Variants in FOXP1 observed in about 807,000 individuals in gnomAD.
The protein encoded by FOXP1 is forkhead box protein P1.
FOXP1 carries 15 observed loss-of-function variants against 98.2 expected under a neutral mutation model. That is an observed-to-expected ratio of 0.15 (90% confidence interval 0.10 to 0.24). FOXP1 has a LOEUF of 0.24. FOXP1 is among the 10% of genes least tolerant of loss of function. FOXP1 has a pLI of 1.00. For missense variants in FOXP1, 633 were observed against 848.5 expected (o/e 0.75, Z 3.15); for synonymous variants, 371 against 314.5 (o/e 1.18, Z -1.90).
intron 7 of FOXP1, among the ~76,000 whole-genome samples, chr3:71,102,103 C>A (rs2057017284): frequency 6.6e-6 from 1 of 152,110 alleles, no homozygotes; most frequent in Non-Finnish European, 1.5e-5. Context: ...ATCCCAACAG[C>A]AAGGTGGCTG....
chr3:71,495,524 C>T (rs1436961283), intron 2 of FOXP1, among the ~76,000 whole-genome samples: 2 of 152,146 alleles, frequency 1.3e-5, no homozygotes, highest in South Asian at 2.1e-4. Flanking sequence ...AGTAACTTTT[C>T]GGTACTCTCT....
chr3:71,229,574 T>C (rs1004247237), intron 5 of FOXP1, among the ~76,000 whole-genome samples: 12 of 152,172 alleles, frequency 7.9e-5, no homozygotes, highest in Non-Finnish European at 2.9e-5. Flanking sequence ...ATACTTAATG[T>C]TGAATACTGT....
At chr3:71,484,584 A>G (rs1243998479) in intron 3 of FOXP1, among the ~76,000 whole-genome samples, 1 of 152,218 alleles carries the variant, frequency 6.6e-6, no homozygotes, top group Non-Finnish European at 1.5e-5. Context: ...CACAGCCAAT[A>G]GTGTGGATGA....
intron 3 of FOXP1, among the ~76,000 whole-genome samples, chr3:71,470,288 A>G (rs1167898650): frequency 2.0e-5 from 3 of 152,194 alleles, no homozygotes; most frequent in Non-Finnish European, 2.9e-5. Context: ...TCTACCACAT[A>G]GAGTTGTTAT....
At chr3:71,468,504 G>C (rs909290054) in intron 3 of FOXP1, among the ~76,000 whole-genome samples, 4 of 152,076 alleles carry the variant, frequency 2.6e-5, no homozygotes, top group African/African-American at 7.2e-5. Context: ...GAGAACAGCG[G>C]GGTGAACAGC....
intron 6 of FOXP1, 93 bp downstream of exon 6, chr3:71,198,109 A>G: frequency 1.9e-6 from 3 of 1,613,740 alleles, no homozygotes; most frequent in South Asian, 1.1e-5. Flanking sequence ...GGTGAACACA[A>G]AACACTGATC....
At chr3:71,155,320 G>A (rs2060767996) in intron 6 of FOXP1, among the ~76,000 whole-genome samples, 1 of 152,202 alleles carries the variant, frequency 6.6e-6, no homozygotes, top group Non-Finnish European at 1.5e-5. Flanking sequence ...GCAATATAAT[G>A]TAAGCAACAT....
At chr3:71,200,104 A>AAAAAAG (rs1553777309) in intron 5 of FOXP1, among the ~76,000 whole-genome samples, 154 of 151,350 alleles carry the variant, frequency 1.0e-3, no homozygotes, top group Admixed American at 2.4e-3. Context: ...AAAAAAAAAA[A>AAAAAAG]AGAGAGAAAA....
At chr3:71,311,017 A>C (rs533338634) in intron 4 of FOXP1, among the ~76,000 whole-genome samples, 116 of 152,284 alleles carry the variant, frequency 7.6e-4, no homozygotes, top group African/African-American at 2.7e-3. Flanking sequence ...AAATATCAGA[A>C]CATATACTCC....
At chr3:71,082,980 G>A (rs1323264250) in intron 7 of FOXP1, among the ~76,000 whole-genome samples, 1 of 152,176 alleles carries the variant, frequency 6.6e-6, no homozygotes, top group Non-Finnish European at 1.5e-5. Flanking sequence ...GTGGCAACAA[G>A]TTACTCCTTA....
chr3:71,400,234 C>T (rs2081860325), intron 3 of FOXP1, among the ~76,000 whole-genome samples: 1 of 152,112 alleles, frequency 6.6e-6, no homozygotes, highest in African/African-American at 2.4e-5. Context: ...TGATTCAACC[C>T]AGTGCTGGCA....
rs560671527 is a variant in FOXP1 at position 71,130,921 on chromosome 3, G to A, written c.181-18284C>T. 605 of 1,324,278 alleles carry A rather than the reference G, an allele frequency of 4.6e-4. 2 individuals are homozygous for A. The highest frequency in any genetic ancestry group is 1.6e-3 in the South Asian group (80 of 49,976). 82.0% of individuals were successfully genotyped at this position (1,324,278 alleles called of 1,614,324 possible). On this transcript the variant is annotated intron_variant, in intron 6 of 20. Transcript: ENST00000649528. ...AGCAGCGACACAGCACACGCAGTGC[G>A]CCCTGGCTAGACCAAGCCCTAGCCA...
At position 70,959,162 on chromosome 3, in the gene FOXP1, G is replaced by T; in HGVS notation, c.*85C>A. ...TCCTCCAGACTGTACAACAAATGGA[G>T]AACAATTTCACTGCTAACTTTTGAC... is the stretch of plus-strand genomic sequence containing the variant. On this transcript the variant is annotated 3_prime_UTR_variant, in exon 21 of 21. Coordinates refer to ENST00000649528, the MANE Select transcript of FOXP1 (RefSeq NM_001349338.3). The T allele has an allele frequency of 6.7e-7, 1 of 1,500,240 alleles. No individual in the cohort carries two copies. The highest frequency in any genetic ancestry group is 9.2e-7 in the Non-Finnish European group (1 of 1,082,672). The allele number at this position is 1,500,240 out of a possible 1,614,324, so 92.9% of individuals were successfully genotyped here. A position where few individuals can be genotyped will look rare whatever the true frequency, so the allele number is the denominator to read the frequency against.
Position 70,958,631 on chromosome 3 carries a change from G to GA in FOXP1, c.*615dup, listed in dbSNP as rs369074999. ...AGAACTTAAAATGGTATAGTAGAAG[G>GA]AAAAAAAAAAAAAAAAAAAGCAATA... is the stretch of plus-strand genomic sequence containing the variant. On this transcript the variant is annotated 3_prime_UTR_variant, in exon 21 of 21. Coordinates refer to ENST00000649528, the MANE Select transcript of FOXP1 (RefSeq NM_001349338.3). 1,423 of 98,696 alleles carry GA rather than the reference G, an allele frequency of 0.014. 3 individuals carry two copies. The highest frequency in any genetic ancestry group is 0.022 in the Middle Eastern group (7 of 312). The allele number at this position is 98,696 out of a possible 1,614,324, so 6.1% of individuals were successfully genotyped here.
At chr3:71,175,725 A>T (rs1427390158) in intron 6 of FOXP1, among the ~76,000 whole-genome samples, 1 of 152,186 alleles carries the variant, frequency 6.6e-6, no homozygotes, top group African/African-American at 2.4e-5. Flanking sequence ...AAACAAATAT[A>T]TGCTTTTGCT....
chr3:71,580,241 G>A (rs943509356), intron 2 of FOXP1, among the ~76,000 whole-genome samples: 1 of 151,856 alleles, frequency 6.6e-6, no homozygotes, highest in Admixed American at 6.6e-5. Context: ...AAAGTCTAAG[G>A]GGGGTGGGGG....
At chr3:71,188,941 C>T (rs889110569) in intron 6 of FOXP1, among the ~76,000 whole-genome samples, 1 of 152,156 alleles carries the variant, frequency 6.6e-6, no homozygotes, top group African/African-American at 2.4e-5. Context: ...CCAATATCCT[C>T]CACAGTTGGT....
At chr3:71,389,451 T>C (rs1054475852) in intron 3 of FOXP1, among the ~76,000 whole-genome samples, 1 of 152,116 alleles carries the variant, frequency 6.6e-6, no homozygotes, top group East Asian at 1.9e-4. Flanking sequence ...CAGTAAGGGT[T>C]ACCTGAAGTG....
At position 71,041,234 on chromosome 3, in the gene FOXP1, C is replaced by A. The variant is rs1351347929; in HGVS notation, c.869+94G>T. 6.3e-6 allele frequency: 6 copies of A among 953,284 alleles called. No homozygotes were observed. The East Asian group carries it at 1.2e-4, about 19-fold the overall frequency. 59.1% of individuals were successfully genotyped at this position (953,284 alleles called of 1,614,324 possible). The stretch of plus-strand genomic sequence containing the variant: ...ATATGCACATTCAAGTCACATGGAT[C>A]CAATTAGGGATCACTGAGATATGAC... On this transcript the variant is annotated intron_variant, in intron 11 of 20. Transcript: ENST00000649528.
Sources: gnomAD v4.1 joint callset for allele counts (sites outside exome capture counted in the v4.1 genomes callset) on GRCh38, gnomAD v4.1.1 for gene constraint, MANE v1.5 for transcripts, NCBI Gene and HGNC (gene_info 2026-07-23, HGNC 2026-07-21) for gene names.